Variants in ADCY7 observed in about 807,000 individuals in gnomAD.
The protein encoded by ADCY7 is adenylate cyclase type 7.
In ADCY7, 72 loss-of-function variants were observed where a neutral mutation model predicts 120.6. The ratio of observed to expected loss-of-function variants is 0.60; its 90% CI spans 0.49 to 0.73. The LOEUF (loss-of-function observed/expected upper bound fraction) is 0.73, where lower values mean the gene tolerates loss of function less well. Ranked by LOEUF, ADCY7 falls within the 30% of genes least tolerant of loss-of-function variation. The probability of loss-of-function intolerance (pLI) is 0.00; values close to 1 mark genes in which losing one functional copy is unlikely to be tolerated. For synonymous variants in ADCY7, 661 were observed against 628.0 expected, an observed-to-expected ratio of 1.05 and a Z score of -0.78; for missense variants, 1,227 against 1,486.0, an observed-to-expected ratio of 0.83 and a Z score of 2.87.
chr16:50,294,534 C>A, intron 6 of ADCY7, 106 bp from the exon 7 acceptor site: 1 of 720,598 alleles, frequency 1.4e-6, no homozygotes, highest in Non-Finnish European at 2.3e-6. Flanking sequence ...GGTGAATGGG[C>A]TCAGGCCTGG....
chr16:50,290,476 C>T lies in ADCY7; in HGVS notation c.191C>T (p.Ala64Val). Reference protein sequence around the residue: ...FSQGDPSRHQAILGMAFLVLA... With the variant: ...FSQGDPSRHQVILGMAFLVLA... ...ACCCAGGACCCCTCCAGACACCAGG[C>T]CATTCTGGGCATGGCGTTCCTGGTG... The change falls in exon 3 of 26, where the codon GCC becomes GTC. Residue 64 changes from alanine (A) to valine (V), a missense_variant. This residue lies in a region of ADCY7 where 382 missense variants were observed against 411.4 expected (regional missense o/e 0.93). Coordinates refer to ENST00000673801, the MANE Select transcript of ADCY7 (RefSeq NM_001114.5). The T allele has an allele frequency of 6.2e-7, 1 of 1,614,184 alleles. No homozygotes were observed. The highest frequency in any genetic ancestry group is 8.5e-7 in the Non-Finnish European group (1 of 1,180,032).
intron 1 of ADCY7, among the ~76,000 whole-genome samples, chr16:50,249,962 A>T (rs1351028599): frequency 6.6e-6 from 1 of 152,228 alleles, no homozygotes; most frequent in East Asian, 1.9e-4. Context: ...GGCCTGGAGG[A>T]CAAGAGCAGC....
intron 19 of ADCY7, among the ~76,000 whole-genome samples, 170 bp from the exon 20 acceptor site, chr16:50,311,523 C>T (rs2036457746): frequency 6.6e-6 from 1 of 152,096 alleles, no homozygotes; most frequent in Non-Finnish European, 1.5e-5. Flanking sequence ...TCTCCCTGCC[C>T]ACCTCTCCCC....
At chr16:50,271,198 T>G (rs75914111) in intron 1 of ADCY7, among the ~76,000 whole-genome samples, 4,239 of 152,248 alleles carry the variant, frequency 0.028, 201 homozygotes, top group African/African-American at 0.096. Flanking sequence ...TTTGGTGGCC[T>G]TTTTCCTTGG....
chr16:50,312,790 G>C, intron 21 of ADCY7, 100 bp from the exon 22 acceptor site: 1 of 1,214,012 alleles, frequency 8.2e-7, no homozygotes, highest in Non-Finnish European at 1.1e-6. Flanking sequence ...CGAAAGCTGG[G>C]CTGGGCAGTT....
At chr16:50,274,536 C>G (rs1488522803) in intron 1 of ADCY7, among the ~76,000 whole-genome samples, 1 of 152,142 alleles carries the variant, frequency 6.6e-6, no homozygotes, top group Non-Finnish European at 1.5e-5. Context: ...CTCTGTGTCT[C>G]TCGTGCCCCC....
At chr16:50,249,204 C>A (rs973440930) in intron 1 of ADCY7, among the ~76,000 whole-genome samples, 1 of 152,184 alleles carries the variant, frequency 6.6e-6, no homozygotes, top group East Asian at 1.9e-4. Flanking sequence ...CTTTAGGAGG[C>A]TGAGGCAGGC....
chr16:50,286,445 A>G (rs1205733007), intron 1 of ADCY7, among the ~76,000 whole-genome samples: 3 of 150,394 alleles, frequency 2.0e-5, no homozygotes, highest in African/African-American at 7.3e-5. Flanking sequence ...AAAAAAAAAA[A>G]AGAGAGAAAG....
intron 1 of ADCY7, among the ~76,000 whole-genome samples, chr16:50,276,943 C>T (rs1443952974): frequency 2.0e-5 from 3 of 151,868 alleles, no homozygotes; most frequent in Non-Finnish European, 4.4e-5. Flanking sequence ...TTTCCTATTA[C>T]ACATTTTTTT....
chr16:50,311,829 T>C (rs772961994), intron 20 of ADCY7, 43 bp downstream of exon 20: 16 of 1,332,368 alleles, frequency 1.2e-5, no homozygotes, highest in Non-Finnish European at 1.7e-5. Flanking sequence ...CTCTGCCCAC[T>C]TTTCCTCACC....
Position 50,290,595 on chromosome 16 carries a change from T to G in ADCY7, c.310T>G (p.Leu104Val). The stretch of plus-strand genomic sequence containing the variant: ...CTTGGCGCTGCTCACCTGGGCCTGC[T>G]TGGTGGCGCTGGGCTATGTGCTGGT... ...RALALLTWAC[L>V]VALGYVLVFD... The change falls in exon 3 of 26, where the codon TTG becomes GTG. Residue 104 changes from leucine to valine, a missense_variant. This residue lies in a region of ADCY7 where 382 missense variants were observed against 411.4 expected (regional missense o/e 0.93). Transcript: ENST00000673801. 1 of 1,614,150 alleles carries G rather than the reference T, an allele frequency of 6.2e-7. No homozygotes were observed. Among genetic ancestry groups the G allele is most frequent in the Admixed American group, 1.7e-5 (1 of 60,026 alleles).
intron 1 of ADCY7, among the ~76,000 whole-genome samples, chr16:50,268,873 C>CA (rs1424853451): frequency 6.6e-6 from 1 of 152,068 alleles, no homozygotes; most frequent in Non-Finnish European, 1.5e-5. Flanking sequence ...CCCGTCTCTA[C>CA]AAAAAATACA....
intron 1 of ADCY7, among the ~76,000 whole-genome samples, chr16:50,281,923 A>C (rs1322502589): frequency 6.6e-6 from 1 of 152,212 alleles, no homozygotes; most frequent in Non-Finnish European, 1.5e-5. Context: ...CCTGAGACCC[A>C]GCCTACCAGG....
At chr16:50,256,950 CAT>C (rs1439695415) in intron 1 of ADCY7, among the ~76,000 whole-genome samples, 2 of 152,042 alleles carry the variant, frequency 1.3e-5, no homozygotes, top group African/African-American at 2.4e-5. Flanking sequence ...GAAAATGTGA[CAT>C]ATATACACAA....
chr16:50,268,683 G>A (rs969517501), intron 1 of ADCY7, among the ~76,000 whole-genome samples: 13 of 152,290 alleles, frequency 8.5e-5, no homozygotes, highest in African/African-American at 3.1e-4. Context: ...AGGTTTGCTT[G>A]AGGGCATGGA....
In ADCY7 at chr16:50,299,453, C is replaced by T. The variant is rs531090332; in HGVS notation, c.1076+422C>T. ...GGAGTCAGGCTTGGTCCTGAGGCTG[C>T]GGGGAGACCCCCCGCTCCCCTCTAG... On this transcript the variant is annotated intron_variant, in intron 8 of 25. Transcript: ENST00000673801. Among the ~76,000 whole-genome samples the T allele has an allele frequency of 8.5e-4, 129 of 152,326 alleles. 4 individuals are homozygous for T. In the South Asian group the frequency reaches 0.025, roughly 30 times the overall value.
intron 1 of ADCY7, among the ~76,000 whole-genome samples, chr16:50,249,414 T>A (rs1484222406): frequency 3.3e-5 from 5 of 151,850 alleles, no homozygotes; most frequent in African/African-American, 1.2e-4. Flanking sequence ...CACTCCAGCT[T>A]GCTCTGGGCG....
chr16:50,305,943 C>A, intron 14 of ADCY7, 94 bp downstream of exon 14: 2 of 1,271,292 alleles, frequency 1.6e-6, no homozygotes, highest in Non-Finnish European at 2.3e-6. Flanking sequence ...CCTGCGTTCC[C>A]AAGACCGGCT....
At chr16:50,252,362 T>C (rs551523348) in intron 1 of ADCY7, among the ~76,000 whole-genome samples, 1 of 152,288 alleles carries the variant, frequency 6.6e-6, no homozygotes, top group African/African-American at 2.4e-5. Context: ...CAGCCTGGCT[T>C]CGGGGCCAGC....
Sources: allele counts gnomAD v4.1 joint callset (sites outside exome capture counted in the v4.1 genomes callset), GRCh38; gene constraint gnomAD v4.1.1; regional missense constraint gnomAD v4.1.1; transcripts MANE v1.5; gene names NCBI Gene and HGNC (gene_info 2026-07-23, HGNC 2026-07-21).